DIRAS3: variants seen among roughly 807,000 people sequenced by gnomAD.
The protein encoded by DIRAS3 is DIRAS family GTPase 3.
For missense variants in DIRAS3, 248 were observed against 300.6 expected (o/e 0.83, Z 1.29); for synonymous variants, 133 against 131.4 (o/e 1.01, Z -0.08).
rs1645673918 is a variant in DIRAS3 at position 68,046,509 on chromosome 1, A to C, written c.*99T>G. ...ACAACATGGATGTTACAGTCCAAACAACAGCACAAAATCAACCATGTACAT... is the reference window on the plus strand; with the variant it reads ...ACAACATGGATGTTACAGTCCAAACCACAGCACAAAATCAACCATGTACAT... On this transcript the variant is annotated 3_prime_UTR_variant, in exon 2 of 2. Coordinates refer to ENST00000646789, the MANE Select transcript of DIRAS3 (RefSeq NM_004675.5). The C allele has an allele frequency of 8.5e-7, 1 of 1,178,180 alleles. No homozygotes were observed. Among genetic ancestry groups the C allele is most frequent in the East Asian group, 2.3e-5 (1 of 42,686 alleles). The allele number at this position is 1,178,180 out of a possible 1,614,324, so 73.0% of individuals were successfully genotyped here. A position where few individuals can be genotyped will look rare whatever the true frequency, so the allele number is the denominator to read the frequency against.
chr1:68,046,713 C>T lies in DIRAS3; in HGVS notation c.585G>A (p.Leu195=), dbSNP rs373655995. ...DVNVQELFHM[L]LNYKKKPTTG... The stretch of plus-strand genomic sequence containing the variant: ...TGGTGGGCTTTTTCTTGTAATTCAG[C>T]AGCATGTGGAACAGCTCCTGCACAT... The change falls in exon 2 of 2, where the codon CTG becomes CTA. Residue 195 remains leucine (L), a synonymous_variant. Transcript: ENST00000646789. 20 of 1,614,062 alleles carry T rather than the reference C, an allele frequency of 1.2e-5. No individual in the cohort carries two copies. Among genetic ancestry groups the T allele is most frequent in the Non-Finnish European group, 1.6e-5 (19 of 1,180,048 alleles).
In DIRAS3 at chr1:68,046,534, T is replaced by C; in HGVS notation, c.*74A>G. On this transcript the variant is annotated 3_prime_UTR_variant, in exon 2 of 2. Coordinates refer to ENST00000646789, the MANE Select transcript of DIRAS3 (RefSeq NM_004675.5). Reference sequence around the variant, plus strand: ...AACAGCACAAAATCAACCATGTACATGTAACATAGTGAAATGAGTCCACGT... The same window carrying C: ...AACAGCACAAAATCAACCATGTACACGTAACATAGTGAAATGAGTCCACGT... The C allele has an allele frequency of 7.3e-7, 1 of 1,373,354 alleles. No individual in the cohort carries two copies. Among genetic ancestry groups the C allele is most frequent in the Non-Finnish European group, 1.0e-6 (1 of 993,310 alleles). The allele number at this position is 1,373,354 out of a possible 1,614,324, so 85.1% of individuals were successfully genotyped here.
chr1:68,050,517 G>T lies in DIRAS3; in HGVS notation c.-66+31C>A, dbSNP rs1570742893. ...TTTGTCTGACACTTGTTGTTTTCAA[G>T]TACCCCTAAAAAAGCGAAAGAAAGA... On this transcript the variant is annotated intron_variant, in intron 1 of 1. Transcript: ENST00000646789. This position sits in a 1 kb window ranked among gnomAD's most constrained non-coding sequence, Gnocchi z 4.5. 6.6e-6 allele frequency: 1 copy of T among 152,166 alleles called. No homozygotes were observed. Among genetic ancestry groups the T allele is most frequent in the South Asian group, 2.1e-4 (1 of 4,816 alleles). 9.4% of individuals were successfully genotyped at this position (152,166 alleles called of 1,614,324 possible).
At position 68,046,906 on chromosome 1, in the gene DIRAS3, T is replaced by G; in HGVS notation, c.392A>C (p.Tyr131Ser). ...KETLEELKAF[Y>S]ELICKIKGNN... The stretch of plus-strand genomic sequence containing the variant: ...ACCTTTGATCTTGCAGATCAGCTCA[T>G]AGAAGGCCTTCAGCTCTTCCAGGGT... Residue 131 changes from tyrosine (Y) to serine (S), a missense_variant, in exon 2 of 2, where the codon TAT becomes TCT. By Grantham distance (144) the Tyr-to-Ser change is moderately radical. Transcript: ENST00000646789. 1 of 1,614,198 alleles carries G rather than the reference T, an allele frequency of 6.2e-7. No homozygotes were observed. The highest frequency in any genetic ancestry group is 1.1e-5 in the South Asian group (1 of 91,082).
chr1:68,048,019 TAAAAAAAAAAA>T (rs869307311), intron 1 of DIRAS3, among the ~76,000 whole-genome samples: 8 of 10,930 alleles, frequency 7.3e-4, no homozygotes, highest in African/African-American at 2.0e-3. Context: ...GACAGTGGAG[TAAAAAAAAAAA>T]AAAAAAAAAA....
chr1:68,048,455 T>C (rs189606769), intron 1 of DIRAS3, among the ~76,000 whole-genome samples: 67 of 152,270 alleles, frequency 4.4e-4, no homozygotes, highest in African/African-American at 1.5e-3. Flanking sequence ...GGCAATGTCA[T>C]TCCTGTGGCA....
In DIRAS3 at chr1:68,046,778, T is replaced by G. The variant is rs751418374; in HGVS notation, c.520A>C (p.Asn174His). 3 of 1,614,144 alleles carry G rather than the reference T, an allele frequency of 1.9e-6. No individual in the cohort carries two copies. The highest frequency in any genetic ancestry group is 2.2e-5 in the South Asian group (2 of 91,072). The stretch of plus-strand genomic sequence containing the variant: ...GCTGAAATCTCCATGAAGGCGCAAT[T>G]CCACTCCATCGCACAGGTGGCACCA... ...NDGATCAMEW[N>H]CAFMEISAKT... The change falls in exon 2 of 2, where the codon AAT (asparagine) becomes CAT (histidine). Residue 174 changes from asparagine to histidine, a missense_variant. Asn to His is a moderately conservative substitution (Grantham distance 68). Transcript: ENST00000646789.
intron 1 of DIRAS3, among the ~76,000 whole-genome samples, 154 bp from the exon 2 acceptor site, chr1:68,047,516 A>G (rs1645685697): frequency 6.6e-6 from 1 of 152,162 alleles, no homozygotes; most frequent in Non-Finnish European, 1.5e-5. Context: ...TCCCAGGCAC[A>G]CAGTTCAGCC....
At position 68,046,862 on chromosome 1, in the gene DIRAS3, G is replaced by A. The variant is rs1201154121; in HGVS notation, c.436C>T (p.Pro146Ser). The change falls in exon 2 of 2, where the codon CCC becomes TCC. Residue 146 changes from proline (P) to serine (S), a missense_variant. Pro to Ser is a moderately conservative substitution (Grantham distance 74). Coordinates refer to ENST00000646789, the MANE Select transcript of DIRAS3 (RefSeq NM_004675.5). The stretch of plus-strand genomic sequence containing the variant: ...CTTTTATTGCCCACCAGCACGATGG[G>A]GAACTTATGCAGGTTGTTACCTTTG... ...KIKGNNLHKF[P>S]IVLVGNKSDD... 4 of 1,614,054 alleles carry A rather than the reference G, an allele frequency of 2.5e-6. No homozygotes were observed. The African/African-American group carries it at 5.3e-5, about 22-fold the overall frequency.
intron 1 of DIRAS3, among the ~76,000 whole-genome samples, chr1:68,048,885 A>G (rs1274912369): frequency 6.6e-6 from 1 of 151,808 alleles, no homozygotes; most frequent in Non-Finnish European, 1.5e-5. Context: ...GACTACAGGC[A>G]TGTGACACCA....
chr1:68,048,999 C>T (rs1205745763), intron 1 of DIRAS3, among the ~76,000 whole-genome samples: 1 of 151,724 alleles, frequency 6.6e-6, no homozygotes, highest in African/African-American at 2.4e-5. Context: ...ATCAGCCTCC[C>T]AAAGTGTTGG....
Position 68,047,381 on chromosome 1 carries a change from G to A in DIRAS3, c.-65-19C>T, listed in dbSNP as rs1462372804. The A allele has an allele frequency of 5.8e-6, 7 of 1,213,428 alleles. No homozygotes were observed. The highest frequency in any genetic ancestry group is 8.1e-6 in the Non-Finnish European group (7 of 869,426). 75.2% of individuals were successfully genotyped at this position (1,213,428 alleles called of 1,614,324 possible). On this transcript the variant is annotated intron_variant, in intron 1 of 1. Transcript: ENST00000646789. ...GAGACCCCTAGGAAGAAAGTGAGAC[G>A]GTGAGAGATGGTAGTGGTAACCTAC...
chr1:68,047,623 CT>C (rs1645686615), intron 1 of DIRAS3, among the ~76,000 whole-genome samples: 1 of 152,006 alleles, frequency 6.6e-6, no homozygotes, highest in African/African-American at 2.4e-5. Context: ...CTTTTGTTTT[CT>C]TTCCTTAAAC....
chr1:68,048,050 ATATATATATAT>A (rs1329019205), intron 1 of DIRAS3, among the ~76,000 whole-genome samples: 5 of 9,126 alleles, frequency 5.5e-4, no homozygotes, highest in Non-Finnish European at 1.1e-3. Context: ...AAAAAAAAAA[ATATATATATAT>A]ATATATATAT....
At position 68,046,947 on chromosome 1, in the gene DIRAS3, T is replaced by G. The variant is rs1200998821; in HGVS notation, c.351A>C (p.Ser117=). The G allele has an allele frequency of 6.2e-7, 1 of 1,614,166 alleles. No homozygotes were observed. The highest frequency in any genetic ancestry group is 1.7e-5 in the Admixed American group (1 of 60,024). The change falls in exon 2 of 2, where the codon TCA becomes TCC. Residue 117 remains serine, a synonymous_variant. Coordinates refer to ENST00000646789, the MANE Select transcript of DIRAS3 (RefSeq NM_004675.5). Reference sequence around the variant, plus strand: ...CTTCCAGGGTTTCCTTCTTGGTGACTGAGTAGACCAGGACGAAGGCGTGGC... The same window carrying G: ...CTTCCAGGGTTTCCTTCTTGGTGACGGAGTAGACCAGGACGAAGGCGTGGC... ...ARGHAFVLVY[S]VTKKETLEEL...
rs1246363551 is a variant in DIRAS3 at position 68,050,072 on chromosome 1, C to G, written c.-66+476G>C. Among the ~76,000 whole-genome samples, 1 of 151,808 alleles carries G rather than the reference C, an allele frequency of 6.6e-6. No individual in the cohort carries two copies. Among genetic ancestry groups the G allele is most frequent in the Non-Finnish European group, 1.5e-5 (1 of 67,998 alleles). ...CCAGAGGGCGTCCAAACCCAGCGGCCGTGCGGAGCTCAAGGTCCCGCCGCT... is the reference window on the plus strand; with the variant it reads ...CCAGAGGGCGTCCAAACCCAGCGGCGGTGCGGAGCTCAAGGTCCCGCCGCT... On this transcript the variant is annotated intron_variant, in intron 1 of 1. Transcript: ENST00000646789. This position sits in a 1 kb window ranked among gnomAD's most constrained non-coding sequence, Gnocchi z 4.5.
At chr1:68,048,594 A>G (rs1392870306) in intron 1 of DIRAS3, among the ~76,000 whole-genome samples, 1 of 152,102 alleles carries the variant, frequency 6.6e-6, no homozygotes, top group African/African-American at 2.4e-5. Context: ...TGAATAGCAC[A>G]CTCCCTATAT....
In DIRAS3 at chr1:68,050,458, C is replaced by G. The variant is rs1645722649; in HGVS notation, c.-66+90G>C. 1 of 152,156 alleles carries G rather than the reference C, an allele frequency of 6.6e-6. No homozygotes were observed. The highest frequency in any genetic ancestry group is 1.5e-5 in the Non-Finnish European group (1 of 68,044). The allele number at this position is 152,156 out of a possible 1,614,324, so 9.4% of individuals were successfully genotyped here. ...GGTTCCAGTTTCAGGGACAACTCGC[C>G]CATAAACTTCTACTGCGCAACAGCA... On this transcript the variant is annotated intron_variant, in intron 1 of 1. Coordinates refer to ENST00000646789, the MANE Select transcript of DIRAS3 (RefSeq NM_004675.5). The surrounding 1 kb of genome is among the most constrained non-coding windows in gnomAD (Gnocchi z 4.5).
chr1:68,048,049 A>AAAAATATATAT (rs1553173941), intron 1 of DIRAS3, among the ~76,000 whole-genome samples: 1 of 7,274 alleles, frequency 1.4e-4, no homozygotes, highest in Non-Finnish European at 2.5e-4. Context: ...AAAAAAAAAA[A>AAAAATATATAT]ATATATATAT....
Sources: gnomAD v4.1 joint callset for allele counts (sites outside exome capture counted in the v4.1 genomes callset) on GRCh38, gnomAD v4.1.1 for gene constraint, Gnocchi (gnomAD v3.1) non-coding constraint, MANE v1.5 for transcripts, NCBI Gene and HGNC (gene_info 2026-07-23, HGNC 2026-07-21) for gene names.